Variants in ITPKB observed in about 807,000 individuals in gnomAD.
ITPKB encodes IP3 3-kinase B.
A neutral mutation model predicts 69.4 loss-of-function variants in ITPKB; 13 were observed. That is an observed-to-expected ratio of 0.19 (90% CI 0.12 to 0.30). ITPKB has a LOEUF of 0.30. Ranked by LOEUF, ITPKB falls within the 10% of genes least tolerant of loss-of-function variation. ITPKB has a pLI of 1.00. For missense variants in ITPKB, 1,240 were observed against 1,250.5 expected, an observed-to-expected ratio of 0.99 and a Z score of 0.13; for synonymous variants, 584 against 513.7, an observed-to-expected ratio of 1.14 and a Z score of -1.85.
chr1:226,657,662 C>G (rs575959883), intron 2 of ITPKB, among the ~76,000 whole-genome samples: 97 of 152,312 alleles, frequency 6.4e-4, no homozygotes, highest in Admixed American at 5.3e-3. Flanking sequence ...AAGCTAATAG[C>G]TCAGGTAACT....
intron 2 of ITPKB, among the ~76,000 whole-genome samples, chr1:226,693,394 G>A (rs188524061): frequency 1.3e-5 from 2 of 152,288 alleles, no homozygotes; most frequent in East Asian, 1.9e-4. Flanking sequence ...CTGCCTAAGA[G>A]TCACTGCTTT....
intron 2 of ITPKB, among the ~76,000 whole-genome samples, chr1:226,720,005 G>A (rs956460313): frequency 6.6e-6 from 1 of 152,168 alleles, no homozygotes; most frequent in African/African-American, 2.4e-5. Context: ...ACCTTTTCCT[G>A]CCCTTTAGGG....
At chr1:226,728,607 A>C (rs981362095) in intron 2 of ITPKB, among the ~76,000 whole-genome samples, 4 of 152,168 alleles carry the variant, frequency 2.6e-5, no homozygotes, top group African/African-American at 7.2e-5. Flanking sequence ...TGACCAAGCA[A>C]TTCATTCCTA....
chr1:226,665,916 A>G (rs1669494989), intron 2 of ITPKB, among the ~76,000 whole-genome samples: 1 of 152,166 alleles, frequency 6.6e-6, no homozygotes, highest in African/African-American at 2.4e-5. Flanking sequence ...CTGGCAATGA[A>G]ACTCAACACT....
chr1:226,635,251 T>C (rs950700093), intron 7 of ITPKB, among the ~76,000 whole-genome samples: 3 of 152,016 alleles, frequency 2.0e-5, no homozygotes, highest in Admixed American at 6.6e-5. Flanking sequence ...GACAGGGTCT[T>C]ACTCTGTCGC....
chr1:226,683,974 A>G (rs1252984928), intron 2 of ITPKB, among the ~76,000 whole-genome samples: 4 of 152,222 alleles, frequency 2.6e-5, no homozygotes, highest in Non-Finnish European at 5.9e-5. Flanking sequence ...CAAAGAAGGT[A>G]TGGATATCCT....
At chr1:226,678,693 A>G (rs1209736671) in intron 2 of ITPKB, among the ~76,000 whole-genome samples, 1 of 152,332 alleles carries the variant, frequency 6.6e-6, no homozygotes, top group Non-Finnish European at 1.5e-5. Context: ...CCAGAGAGAA[A>G]AAGGGAGAAT....
chr1:226,692,768 T>G (rs1250177051), intron 2 of ITPKB, among the ~76,000 whole-genome samples: 1 of 152,234 alleles, frequency 6.6e-6, no homozygotes, highest in East Asian at 1.9e-4. Context: ...AATGTAGAAT[T>G]GTTAGTGCTC....
At position 226,637,265 on chromosome 1, in the gene ITPKB, A is replaced by G. The variant is rs1668858842; in HGVS notation, c.2625+414T>C. Among the ~76,000 whole-genome samples the G allele has an allele frequency of 6.6e-6, 1 of 152,190 alleles. No individual in the cohort carries two copies. Among genetic ancestry groups the G allele is most frequent in the African/African-American group, 2.4e-5 (1 of 41,442 alleles). On this transcript the variant is annotated intron_variant, in intron 7 of 7. Transcript: ENST00000429204. The surrounding 1 kb of genome is among the most constrained non-coding windows in gnomAD (Gnocchi z 4.3). ...TTGGGAGATTCCAGCCCTGCCCGAG[A>G]GTGGCACCTGAAGACCTGCCTGCCC...
chr1:226,707,787 C>A, intron 2 of ITPKB: 1 of 1,077,944 alleles, frequency 9.3e-7, no homozygotes. Flanking sequence ...TTAGACTTTA[C>A]AGATGACCCC....
intron 2 of ITPKB, among the ~76,000 whole-genome samples, chr1:226,723,422 C>T (rs555843704): frequency 4.6e-5 from 7 of 152,068 alleles, no homozygotes; most frequent in Non-Finnish European, 8.8e-5. Flanking sequence ...TCAGAGAGAG[C>T]CTGTGTTAAT....
intron 2 of ITPKB, among the ~76,000 whole-genome samples, chr1:226,703,110 C>T (rs1656706894): frequency 6.6e-6 from 1 of 151,994 alleles, no homozygotes; most frequent in Admixed American, 6.6e-5. Context: ...AGTGTGTATG[C>T]TGAAGCGAAA....
At chr1:226,713,363 A>G (rs2102638799) in intron 2 of ITPKB, among the ~76,000 whole-genome samples, 1 of 152,332 alleles carries the variant, frequency 6.6e-6, no homozygotes, top group South Asian at 2.1e-4. Flanking sequence ...TTTGGAGAGA[A>G]CACTTTATTA....
intron 2 of ITPKB, among the ~76,000 whole-genome samples, chr1:226,681,544 G>T (rs1418850497): frequency 6.6e-6 from 1 of 152,148 alleles, no homozygotes; most frequent in African/African-American, 2.4e-5. Flanking sequence ...CCTATGCCAG[G>T]CTGCTTTCCT....
intron 3 of ITPKB, among the ~76,000 whole-genome samples, chr1:226,648,018 A>T (rs1669097825): frequency 6.6e-6 from 1 of 152,212 alleles, no homozygotes. Flanking sequence ...AGCCCCTGAC[A>T]TGTCTCCAGA....
At chr1:226,724,803 A>G (rs76064286) in intron 2 of ITPKB, among the ~76,000 whole-genome samples, 3,549 of 152,328 alleles carry the variant, frequency 0.023, 148 homozygotes, top group African/African-American at 0.08. Flanking sequence ...TCCCGAGAGC[A>G]TAGCAACAGT....
At chr1:226,670,398 C>T (rs554860904) in intron 2 of ITPKB, among the ~76,000 whole-genome samples, 20 of 152,020 alleles carry the variant, frequency 1.3e-4, no homozygotes, top group Non-Finnish European at 2.1e-4. Flanking sequence ...GGAAATACTC[C>T]AAAAAACGGA....
chr1:226,661,397 G>A (rs2102757502), intron 2 of ITPKB, among the ~76,000 whole-genome samples: 1 of 152,348 alleles, frequency 6.6e-6, no homozygotes, highest in South Asian at 2.1e-4. Flanking sequence ...CTTCACAGAT[G>A]GGAACACTGA....
intron 7 of ITPKB, among the ~76,000 whole-genome samples, chr1:226,636,729 T>A (rs1668843502): frequency 6.6e-6 from 1 of 150,780 alleles, no homozygotes; most frequent in African/African-American, 2.4e-5. Flanking sequence ...CCCATGGGAT[T>A]AGCCAGCCCC....
Sources: gnomAD v4.1 joint callset for allele counts (sites outside exome capture counted in the v4.1 genomes callset) on GRCh38, gnomAD v4.1.1 for gene constraint, Gnocchi (gnomAD v3.1) non-coding constraint, MANE v1.5 for transcripts, NCBI Gene and HGNC (gene_info 2026-07-23, HGNC 2026-07-21) for gene names.